Variants in ARHGAP35 observed in about 807,000 individuals in gnomAD.
ARHGAP35 encodes Rho GTPase activating protein 35, also known as rho GTPase-activating protein 35.
A neutral mutation model predicts 111.1 loss-of-function variants in ARHGAP35; 15 were observed. That is an observed-to-expected ratio of 0.13 (90% confidence interval 0.09 to 0.21). The LOEUF (loss-of-function observed/expected upper bound fraction) is 0.21. Among genes scored for constraint, ARHGAP35 ranks in the 10% least tolerant of loss-of-function variants. The pLI is 1.00. For missense variants in ARHGAP35, 1,262 were observed against 1,873.0 expected (o/e 0.67, Z 6.02); for synonymous variants, 643 against 710.3 (o/e 0.91, Z 1.51).
In ARHGAP35 at chr19:46,918,872, G is replaced by A. The variant is rs1411469128; in HGVS notation, c.197G>A (p.Arg66Gln). 4.3e-6 allele frequency: 7 copies of A among 1,613,832 alleles called. No homozygotes were observed. Among genetic ancestry groups the A allele is most frequent in the East Asian group, 2.2e-5 (1 of 44,894 alleles). The change falls in exon 2 of 7, where the codon CGA becomes CAA. Residue 66 changes from arginine to glutamine, a missense_variant. Arg to Gln is a conservative substitution (Grantham distance 43, BLOSUM62 1). Coordinates refer to ENST00000672722, the MANE Select transcript of ARHGAP35 (RefSeq NM_004491.5). This position sits in a 1 kb window ranked among gnomAD's most constrained non-coding sequence, Gnocchi z 5.4. ...SVLSTSDFGG[R>Q]VVNNDHFLYW... ...CTCAGCACCAGTGACTTTGGAGGGC[G>A]AGTGGTCAATAATGACCACTTTCTC...
At position 46,921,690 on chromosome 19, in the gene ARHGAP35, G is replaced by T. The variant is rs772807828; in HGVS notation, c.3015G>T (p.Leu1005=). Residue 1005 remains leucine (L), a synonymous_variant, in exon 2 of 7, where the codon CTG becomes CTT. Transcript: ENST00000672722. The surrounding 1 kb of genome is among the most constrained non-coding windows in gnomAD (Gnocchi z 4.3). ...GAGAAGACACATCACTGCCTTCTCTGTCCAAAGACCATTCTAAGCTCTCTA... is the reference window on the plus strand; with the variant it reads ...GAGAAGACACATCACTGCCTTCTCTTTCCAAAGACCATTCTAAGCTCTCTA... ...LFREDTSLPS[L]SKDHSKLSME... The T allele has an allele frequency of 1.2e-6, 2 of 1,613,862 alleles. No individual in the cohort carries two copies. The highest frequency in any genetic ancestry group is 3.3e-5 in the Admixed American group (2 of 60,000).
intron 5 of ARHGAP35, among the ~76,000 whole-genome samples, chr19:46,995,730 C>T (rs2056703873): frequency 6.6e-6 from 1 of 152,246 alleles, no homozygotes; most frequent in African/African-American, 2.4e-5. Flanking sequence ...AGCACCCAAA[C>T]CTAAGCAGCT....
chr19:46,988,287 T>C lies in ARHGAP35; in HGVS notation c.3904+221T>C, dbSNP rs2056662029. The stretch of plus-strand genomic sequence containing the variant: ...CACCATCCCTGCCCAAGCTGGGTCA[T>C]GTAGGCCACTCCCCACACTGCCACT... On this transcript the variant is annotated intron_variant, in intron 4 of 6. Transcript: ENST00000672722. The surrounding 1 kb of genome is among the most constrained non-coding windows in gnomAD (Gnocchi z 5.4). The C allele has an allele frequency of 3.8e-6, 2 of 530,674 alleles. No individual in the cohort carries two copies. The highest frequency in any genetic ancestry group is 3.1e-5 in the Admixed American group (1 of 31,942). 32.9% of individuals were successfully genotyped at this position (530,674 alleles called of 1,614,324 possible).
intron 1 of ARHGAP35, among the ~76,000 whole-genome samples, chr19:46,866,795 A>G (rs903746020): frequency 1.3e-5 from 2 of 152,210 alleles, no homozygotes; most frequent in Admixed American, 1.3e-4. Flanking sequence ...TTTTTCAACC[A>G]TTCACATGGA....
intron 1 of ARHGAP35, among the ~76,000 whole-genome samples, chr19:46,896,008 A>G (rs1171554847): frequency 6.6e-6 from 1 of 152,120 alleles, no homozygotes; most frequent in Non-Finnish European, 1.5e-5. Flanking sequence ...AGGCTGAGGC[A>G]GGAGAATCGC....
At chr19:46,937,497 AGTT>A (rs780467030) in intron 3 of ARHGAP35, 89 bp downstream of exon 3, 17 of 1,451,770 alleles carry the variant, frequency 1.2e-5, no homozygotes, top group East Asian at 6.9e-5. Context: ...TTCTGGAATC[AGTT>A]GTTGTTGATT....
chr19:46,889,568 G>T (rs1387895940), intron 1 of ARHGAP35, among the ~76,000 whole-genome samples: 1 of 152,120 alleles, frequency 6.6e-6, no homozygotes, highest in Non-Finnish European at 1.5e-5. Context: ...TATCAGACAT[G>T]GCTCCTGCTT....
chr19:46,884,812 C>T (rs2055984954), intron 1 of ARHGAP35, among the ~76,000 whole-genome samples: 1 of 152,098 alleles, frequency 6.6e-6, no homozygotes, highest in Non-Finnish European at 1.5e-5. Flanking sequence ...GCTACAGCCT[C>T]GACTTTCTGG....
intron 1 of ARHGAP35, among the ~76,000 whole-genome samples, chr19:46,880,204 G>A (rs1470599885): frequency 6.6e-6 from 1 of 152,110 alleles, no homozygotes; most frequent in East Asian, 1.9e-4. Context: ...AGGCTGAGGC[G>A]GGTGAGTCAC....
intron 2 of ARHGAP35, among the ~76,000 whole-genome samples, chr19:46,928,588 C>G (rs964957557): frequency 1.3e-5 from 2 of 151,842 alleles, no homozygotes; most frequent in South Asian, 4.2e-4. Context: ...GTTGTCTTCT[C>G]GGGGGGGTGG....
In ARHGAP35 at chr19:46,905,565, C is replaced by A. The variant is rs1023034013; in HGVS notation, c.-188-12923C>A. Among the ~76,000 whole-genome samples, 8 of 147,926 alleles carry A rather than the reference C, an allele frequency of 5.4e-5. 1 individual carries two copies. The highest frequency in any genetic ancestry group is 4.4e-4 in the South Asian group (2 of 4,562). On this transcript the variant is annotated intron_variant, in intron 1 of 6. Transcript: ENST00000672722. ...TAATTTTTGTATTCCACCCCCCCCC[C>A]CCAAGACAGAGTCTTACTCTGTCAC...
Position 46,945,672 on chromosome 19 carries a change from G to C in ARHGAP35, c.3826+8264G>C, listed in dbSNP as rs918718500. Among the ~76,000 whole-genome samples the C allele has an allele frequency of 5.3e-5, 8 of 152,172 alleles. No individual in the cohort carries two copies. Among genetic ancestry groups the C allele is most frequent in the African/African-American group, 1.9e-4 (8 of 41,438 alleles). On this transcript the variant is annotated intron_variant, in intron 3 of 6. Transcript: ENST00000672722. The surrounding 1 kb of genome is among the most constrained non-coding windows in gnomAD (Gnocchi z 4.1). The stretch of plus-strand genomic sequence containing the variant: ...AGCGTTCTGGAGACAGAATCCTAGT[G>C]CCCCACTTGCCTTGGCTCTGCTGTG...
intron 1 of ARHGAP35, among the ~76,000 whole-genome samples, chr19:46,867,309 G>C (rs1361185778): frequency 6.6e-6 from 1 of 152,148 alleles, no homozygotes; most frequent in Non-Finnish European, 1.5e-5. Context: ...AGATCTGCAG[G>C]TATTTCCTGC....
intron 1 of ARHGAP35, among the ~76,000 whole-genome samples, chr19:46,892,084 G>A (rs1163601947): frequency 1.8e-4 from 25 of 141,504 alleles, no homozygotes; most frequent in African/African-American, 5.3e-5. Context: ...TCAGGAGTTC[G>A]AGACCAGCCT....
At chr19:46,991,269 G>A (rs542117723) in intron 5 of ARHGAP35, among the ~76,000 whole-genome samples, 13 of 152,348 alleles carry the variant, frequency 8.5e-5, no homozygotes, top group African/African-American at 2.6e-4. Flanking sequence ...AGAGGAAGGC[G>A]TAGACTGATA....
At chr19:46,968,672 A>G (rs1483460402) in intron 3 of ARHGAP35, among the ~76,000 whole-genome samples, 1 of 152,262 alleles carries the variant, frequency 6.6e-6, no homozygotes, top group Non-Finnish European at 1.5e-5. Context: ...GTGACGTGCT[A>G]CAGATGGATG....
At chr19:46,897,109 G>C (rs1402643750) in intron 1 of ARHGAP35, among the ~76,000 whole-genome samples, 1 of 147,786 alleles carries the variant, frequency 6.8e-6, no homozygotes, top group Non-Finnish European at 1.5e-5. Flanking sequence ...CATGTTGCCA[G>C]ACTGGTCTTG....
chr19:46,987,226 T>TC (rs2056655590), intron 3 of ARHGAP35, among the ~76,000 whole-genome samples: 1 of 146,428 alleles, frequency 6.8e-6, no homozygotes, highest in Non-Finnish European at 1.5e-5. Flanking sequence ...TTCTTTTTTT[T>TC]TTTTTTTTTT....
intron 1 of ARHGAP35, among the ~76,000 whole-genome samples, chr19:46,871,248 G>A (rs2055885945): frequency 6.6e-6 from 1 of 152,178 alleles, no homozygotes; most frequent in Non-Finnish European, 1.5e-5. Context: ...AAGAGATAGT[G>A]GTCACTGCTA....
Sources: allele counts gnomAD v4.1 joint callset (sites outside exome capture counted in the v4.1 genomes callset), GRCh38; gene constraint gnomAD v4.1.1; non-coding constraint Gnocchi (gnomAD v3.1); transcripts MANE v1.5; gene names NCBI Gene and HGNC (gene_info 2026-07-23, HGNC 2026-07-21).